The following NFKBID variants were observed in gnomAD, a reference collection of about 807,000 sequenced individuals.
NFKBID encodes NF-kappa-B inhibitor delta.
A neutral mutation model predicts 53.4 loss-of-function variants in NFKBID; 26 were observed. The observed-to-expected ratio is 0.49, with a 90% confidence interval of 0.36 to 0.68. NFKBID has a LOEUF of 0.68. Among genes scored for constraint, NFKBID ranks in the 30% least tolerant of loss-of-function variants. The pLI is 0.00. For synonymous variants in NFKBID, 262 were observed against 259.8 expected (o/e 1.01, Z -0.08); for missense variants, 493 against 614.1 (o/e 0.80, Z 2.08).
intron 3 of NFKBID, 108 bp downstream of exon 3, chr19:35,898,364 A>AAAC: frequency 1.4e-6 from 1 of 707,610 alleles, no homozygotes; most frequent in East Asian, 2.7e-5. Flanking sequence ...AAAAAAAAAA[A>AAAC]GGGAAGAATG....
chr19:35,897,905 G>T (rs1165834648), intron 3 of NFKBID, 49 bp from the exon 4 acceptor site: 3 of 1,326,174 alleles, frequency 2.3e-6, no homozygotes, highest in Non-Finnish European at 3.1e-6. Context: ...CAGAGTTGGG[G>T]ACGTCACATC....
exon 4 of NFKBID, chr19:35,897,725 C>T (rs948675160): frequency 2.5e-6 from 4 of 1,612,984 alleles, no homozygotes; most frequent in East Asian, 2.2e-5. Context: ...AGGAAATTTT[C>T]GGCAGCAGAA....
chr19:35,898,876 G>A (rs987581240), intron 1 of NFKBID, 54 bp from the exon 2 acceptor site: 1 of 1,403,436 alleles, frequency 7.1e-7, no homozygotes, highest in Non-Finnish European at 9.7e-7. Flanking sequence ...TCACCTAAAT[G>A]CCGCGGGGGT....
chr19:35,897,882 C>T (rs548159023), intron 3 of NFKBID, 26 bp from the exon 4 acceptor site: 1 of 1,495,984 alleles, frequency 6.7e-7, no homozygotes, highest in South Asian at 1.2e-5. Context: ...GGGGCAGGGG[C>T]AGGTCTGGTT....
intron 10 of NFKBID, 60 bp from the exon 11 acceptor site, chr19:35,890,114 C>T (rs1568484868): frequency 6.7e-7 from 1 of 1,495,184 alleles, no homozygotes; most frequent in Non-Finnish European, 9.0e-7. Context: ...GGCCTCTAAA[C>T]TGCACTTCAA....
intron 4 of NFKBID, 137 bp from the exon 5 acceptor site, chr19:35,897,195 T>A: frequency 1.2e-6 from 1 of 863,994 alleles, no homozygotes; most frequent in Admixed American, 3.0e-5. Flanking sequence ...AGCCCCTGGG[T>A]ATCCCATCTA....
rs1448751059 is a variant in NFKBID at position 35,888,592 on chromosome 19, C to T, written c.1335G>A (p.Arg445=). The T allele has an allele frequency of 3.8e-6, 6 of 1,572,782 alleles. No individual in the cohort carries two copies. In the South Asian group the frequency reaches 4.7e-5, roughly 12 times the overall value. The change falls in exon 12 of 12, where the codon AGG becomes AGA. Residue 445 remains arginine, a synonymous_variant. Transcript: ENST00000641389. ...ACAGGCCTGGCGGCGCCACACGGCT[C>T]CTCTTCAACAGCTGCCGGAGCTGTA...
chr19:35,893,491 G>GA (rs1006062526), intron 9 of NFKBID, among the ~76,000 whole-genome samples: 6 of 151,936 alleles, frequency 3.9e-5, no homozygotes, highest in South Asian at 2.1e-4. Context: ...AAATATTTTT[G>GA]AAAAAAATAC....
intron 9 of NFKBID, among the ~76,000 whole-genome samples, chr19:35,890,956 A>C (rs747300203): frequency 1.4e-4 from 22 of 152,130 alleles, no homozygotes; most frequent in Admixed American, 5.2e-4. Context: ...GCACCGCACA[A>C]CACCACGTCT....
At position 35,896,680 on chromosome 19, in the gene NFKBID, C is replaced by T. The variant is rs765958211; in HGVS notation, c.684+46G>A. ...AGGATCCAGGGGTCCAGGCCCCAGG[C>T]TCCTTCCTCCCCTGAACCCAGGAGA... On this transcript the variant is annotated intron_variant, in intron 6 of 11. Coordinates refer to ENST00000641389, the Ensembl canonical transcript of NFKBID. The surrounding 1 kb of genome is among the most constrained non-coding windows in gnomAD (Gnocchi z 5.7). 6 of 1,580,670 alleles carry T rather than the reference C, an allele frequency of 3.8e-6. No individual in the cohort carries two copies. The South Asian group carries it at 5.6e-5, about 15-fold the overall frequency.
At chr19:35,900,384 C>G in intron 1 of NFKBID, 58 bp downstream of exon 1, 1 of 1,190,860 alleles carries the variant, frequency 8.4e-7, no homozygotes, top group Non-Finnish European at 1.1e-6. Flanking sequence ...GGGAGTCTTT[C>G]GATCCTCAGT....
chr19:35,890,250 A>G, intron 10 of NFKBID, 124 bp downstream of exon 10: 3 of 861,494 alleles, frequency 3.5e-6, no homozygotes, highest in Non-Finnish European at 5.6e-6. Context: ...TCTGCTTCCT[A>G]TACTTTCCCC....
chr19:35,892,995 C>T (rs1044420958), intron 9 of NFKBID, among the ~76,000 whole-genome samples: 2 of 152,052 alleles, frequency 1.3e-5, no homozygotes, highest in Admixed American at 6.6e-5. Context: ...TGAGACCCCC[C>T]CTCTCTACAA....
At chr19:35,902,231 G>A (rs1195425321), upstream of NFKBID, 7 of 703,292 alleles carry the variant, frequency 1.0e-5, no homozygotes, top group South Asian at 4.4e-5. Flanking sequence ...TCTTCTCAGC[G>A]TTTCATGCCA....
exon 4 of NFKBID, chr19:35,897,768 A>T: frequency 6.2e-7 from 1 of 1,609,922 alleles, no homozygotes; most frequent in Non-Finnish European, 8.5e-7. Flanking sequence ...CAGTGTAGGC[A>T]GCATGCGTGT....
intron 9 of NFKBID, among the ~76,000 whole-genome samples, chr19:35,893,430 C>T (rs1221686454): frequency 1.3e-5 from 2 of 152,166 alleles, no homozygotes; most frequent in Non-Finnish European, 2.9e-5. Flanking sequence ...TACAGTCCAT[C>T]CCCACCATCT....
chr19:35,888,697 G>A, intron 11 of NFKBID, 85 bp from the exon 12 acceptor site: 3 of 997,940 alleles, frequency 3.0e-6, no homozygotes, highest in South Asian at 1.4e-5. Context: ...GGAGGGGCTA[G>A]AGAAGAGAGG....
At chr19:35,900,348 G>A (rs1175734540) in intron 1 of NFKBID, 94 bp downstream of exon 1, 9 of 975,276 alleles carry the variant, frequency 9.2e-6, no homozygotes, top group Non-Finnish European at 1.2e-5. Flanking sequence ...AAGGACTGAC[G>A]CTTCAGCTCC....
At chr19:35,900,660 T>C, upstream of NFKBID, 1 of 1,228,750 alleles carries the variant, frequency 8.1e-7, no homozygotes, top group Non-Finnish European at 1.0e-6. Context: ...ACGCAGTCCC[T>C]GAATGGGCGC....
Sources: gnomAD v4.1 joint callset for allele counts (sites outside exome capture counted in the v4.1 genomes callset) on GRCh38, gnomAD v4.1.1 for gene constraint, Gnocchi (gnomAD v3.1) non-coding constraint, MANE v1.5 for transcripts, NCBI Gene and HGNC (gene_info 2026-07-23, HGNC 2026-07-21) for gene names.